The following KLHL24 variants were observed in gnomAD, a reference collection of about 807,000 sequenced individuals.
The protein encoded by KLHL24 is kelch-like protein 24.
KLHL24 carries 29 observed loss-of-function variants against 53.4 expected under a neutral mutation model. The ratio of observed to expected loss-of-function variants is 0.54; its 90% CI spans 0.40 to 0.74. The LOEUF (loss-of-function observed/expected upper bound fraction) is 0.74, where lower values mean the gene tolerates loss of function less well. KLHL24 is among the 30% of genes least tolerant of loss of function. The pLI, the probability that KLHL24 is intolerant of heterozygous loss-of-function variation, is 0.00. For synonymous variants in KLHL24, 222 were observed against 253.7 expected, an observed-to-expected ratio of 0.88 and a Z score of 1.19; for missense variants, 504 against 744.0, an observed-to-expected ratio of 0.68 and a Z score of 3.75.
rs563310745 is a variant in KLHL24, at chr3:183,681,517, G to A, written c.*2231G>A. On this transcript the variant is annotated 3_prime_UTR_variant, in exon 8 of 8. Transcript: ENST00000242810. ...TATAGTAAATTTGAAATGAAATCCT[G>A]AAAAACAGAATTTTTTTAAACACAG... is the stretch of plus-strand genomic sequence containing the variant. 6.6e-6 allele frequency: 1 copy of A among 151,876 alleles called. No homozygotes were observed. The highest frequency in any genetic ancestry group is 2.4e-5 in the African/African-American group (1 of 41,426). 9.4% of individuals were successfully genotyped at this position (151,876 alleles called of 1,614,324 possible). A position where few individuals can be genotyped will look rare whatever the true frequency, so the allele number is the denominator to read the frequency against.
chr3:183,637,413 C>T (rs1386501278), intron 1 of KLHL24, among the ~76,000 whole-genome samples: 1 of 152,176 alleles, frequency 6.6e-6, no homozygotes, highest in East Asian at 1.9e-4. Flanking sequence ...TTCTAGGTCA[C>T]ACACTTCTAT....
chr3:183,669,368 A>G (rs1721025420), intron 5 of KLHL24, among the ~76,000 whole-genome samples: 1 of 152,130 alleles, frequency 6.6e-6, no homozygotes, highest in Non-Finnish European at 1.5e-5. Flanking sequence ...AAAAATTATA[A>G]AATTGAGGAA....
chr3:183,636,233 AGTGCGACCGCCTC>A (rs1411858481), intron 1 of KLHL24: 1 of 152,038 alleles, frequency 6.6e-6, no homozygotes, highest in African/African-American at 2.4e-5. Flanking sequence ...AGCCCGGGGG[AGTGCGACCGCCTC>A]AAATCCAGCC....
chr3:183,643,992 T>A (rs540292074), intron 2 of KLHL24: 3 of 151,184 alleles, frequency 2.0e-5, no homozygotes, highest in African/African-American at 7.3e-5. Flanking sequence ...GAACCTATAT[T>A]AGTCACCGTA....
At chr3:183,665,364 G>A (rs1160527391) in intron 5 of KLHL24, among the ~76,000 whole-genome samples, 1 of 152,158 alleles carries the variant, frequency 6.6e-6, no homozygotes, top group Non-Finnish European at 1.5e-5. Context: ...CACGCAGTTT[G>A]TTTTCTTTTT....
intron 3 of KLHL24, among the ~76,000 whole-genome samples, chr3:183,661,694 C>T (rs771880661): frequency 6.6e-6 from 1 of 152,064 alleles, no homozygotes; most frequent in Non-Finnish European, 1.5e-5. Flanking sequence ...AAACAGATAA[C>T]ATATGTTTAT....
rs376939080 is a variant in KLHL24 at position 183,650,486 on chromosome 3, T to A, written c.130T>A (p.Ser44Thr). The A allele has an allele frequency of 3.7e-5, 59 of 1,614,160 alleles. No individual in the cohort carries two copies. The South Asian group carries it at 5.7e-4, about 16-fold the overall frequency. Residue 44 changes from serine (S) to threonine (T), a missense_variant, in exon 3 of 8, where the codon TCA (serine) becomes ACA (threonine). Ser to Thr is a moderately conservative substitution (Grantham distance 58, BLOSUM62 1). Coordinates refer to ENST00000242810, the MANE Select transcript of KLHL24 (RefSeq NM_017644.3). The surrounding 1 kb of genome is among the most constrained non-coding windows in gnomAD (Gnocchi z 4.5). The part of the protein sequence containing the change: ...LTGHEFFDFS[S>T]GSSHAENILQ... The stretch of plus-strand genomic sequence containing the variant: ...AGGTCATGAGTTTTTTGACTTCTCT[T>A]CAGGATCATCCCATGCCGAAAACAT...
At chr3:183,640,470 A>C (rs971756937) in intron 1 of KLHL24, among the ~76,000 whole-genome samples, 1 of 152,182 alleles carries the variant, frequency 6.6e-6, no homozygotes, top group Non-Finnish European at 1.5e-5. Flanking sequence ...AAGCAAAGTC[A>C]TATAGTATAT....
At chr3:183,670,860 G>A (rs762992585) in intron 5 of KLHL24, among the ~76,000 whole-genome samples, 174 bp from the exon 6 acceptor site, 7 of 152,202 alleles carry the variant, frequency 4.6e-5, no homozygotes, top group Non-Finnish European at 1.0e-4. Flanking sequence ...GATTGTGATG[G>A]TGGTAGGGGA....
intron 1 of KLHL24, among the ~76,000 whole-genome samples, chr3:183,642,441 C>A (rs1449997666): frequency 6.6e-6 from 1 of 151,776 alleles, no homozygotes; most frequent in Non-Finnish European, 1.5e-5. Flanking sequence ...GTTTTGGAAT[C>A]AACTTTTGAA....
intron 3 of KLHL24, among the ~76,000 whole-genome samples, chr3:183,662,247 G>A (rs830179): frequency 0.38 from 57,084 of 151,944 alleles, 11,274 homozygotes; most frequent in African/African-American, 0.5. Flanking sequence ...GAATAGGTAC[G>A]TGATTTGGTT....
At chr3:183,653,003 T>C (rs781483130) in intron 3 of KLHL24, among the ~76,000 whole-genome samples, 5 of 152,210 alleles carry the variant, frequency 3.3e-5, no homozygotes, top group Non-Finnish European at 7.3e-5. Context: ...TGCAATCAGA[T>C]TGCAGCCTAA....
Position 183,682,677 on chromosome 3 carries a change from G to A in KLHL24, c.*3391G>A, listed in dbSNP as rs1712795253. 6.6e-6 allele frequency: 1 copy of A among 152,510 alleles called. No individual in the cohort carries two copies. The highest frequency in any genetic ancestry group is 6.6e-5 in the Admixed American group (1 of 15,266). The allele number at this position is 152,510 out of a possible 1,614,324, so 9.4% of individuals were successfully genotyped here. A position where few individuals can be genotyped will look rare whatever the true frequency, so the allele number is the denominator to read the frequency against. On this transcript the variant is annotated 3_prime_UTR_variant, in exon 8 of 8. Transcript: ENST00000242810. The stretch of plus-strand genomic sequence containing the variant: ...GTGGACTGATACATTTTATCTTACT[G>A]AATATGAATTGTTTATGTATCTCTA...
At chr3:183,671,278 A>G in intron 6 of KLHL24, 56 bp downstream of exon 6, 4 of 1,499,942 alleles carry the variant, frequency 2.7e-6, no homozygotes, top group African/African-American at 1.4e-5. Context: ...AGGGAAATAC[A>G]GAAGGCTTAT....
chr3:183,672,706 A>G (rs909828617), intron 7 of KLHL24: 32 of 261,170 alleles, frequency 1.2e-4, no homozygotes, highest in African/African-American at 6.9e-4. Flanking sequence ...CTCTACTAAA[A>G]AATTATGGCC....
At chr3:183,668,904 A>G (rs1407473710) in intron 5 of KLHL24, among the ~76,000 whole-genome samples, 1 of 152,078 alleles carries the variant, frequency 6.6e-6, no homozygotes, top group African/African-American at 2.4e-5. Context: ...CAAAAAAAAG[A>G]AAAGGAAAAA....
At position 183,682,129 on chromosome 3, in the gene KLHL24, C is replaced by A. The variant is rs1472051821; in HGVS notation, c.*2843C>A. The A allele has an allele frequency of 6.6e-6, 1 of 152,010 alleles. No individual in the cohort carries two copies. The highest frequency in any genetic ancestry group is 2.4e-5 in the African/African-American group (1 of 41,394). 9.4% of individuals were successfully genotyped at this position (152,010 alleles called of 1,614,324 possible). ...ACGATGACTTATGTATAATCAGAAT[C>A]TTTATGACAATTTAGTTTTACAAGG... On this transcript the variant is annotated 3_prime_UTR_variant, in exon 8 of 8. Transcript: ENST00000242810.
At position 183,663,658 on chromosome 3, in the gene KLHL24, T is replaced by C; in HGVS notation, c.1105+16T>C. The C allele has an allele frequency of 1.4e-6, 2 of 1,436,612 alleles. No homozygotes were observed. Among genetic ancestry groups the C allele is most frequent in the South Asian group, 1.4e-5 (1 of 71,520 alleles). 89.0% of individuals were successfully genotyped at this position (1,436,612 alleles called of 1,614,324 possible). ...CTTGTTTCAGGTAAATATAGAATTATTACAGTAGCTACTTTTAATTTGGAC... is the reference window on the plus strand; with the variant it reads ...CTTGTTTCAGGTAAATATAGAATTACTACAGTAGCTACTTTTAATTTGGAC... On this transcript the variant is annotated intron_variant, in intron 4 of 7. Transcript: ENST00000242810. This position sits in a 1 kb window ranked among gnomAD's most constrained non-coding sequence, Gnocchi z 4.9.
At chr3:183,665,421 A>G (rs1298077198) in intron 5 of KLHL24, among the ~76,000 whole-genome samples, 2 of 152,214 alleles carry the variant, frequency 1.3e-5, no homozygotes, top group East Asian at 1.9e-4. Context: ...AAAGTCATGT[A>G]TTTTATCTTT....
Sources: gnomAD v4.1 joint callset for allele counts (sites outside exome capture counted in the v4.1 genomes callset) on GRCh38, gnomAD v4.1.1 for gene constraint, Gnocchi (gnomAD v3.1) non-coding constraint, MANE v1.5 for transcripts, NCBI Gene and HGNC (gene_info 2026-07-23, HGNC 2026-07-21) for gene names.